Variants in GABBR2 observed in about 807,000 individuals in gnomAD.
The protein encoded by GABBR2 is gamma-aminobutyric acid type B receptor subunit 2.
In GABBR2, 23 loss-of-function variants were observed where a neutral mutation model predicts 105.6. That is an observed-to-expected ratio of 0.22 (90% CI 0.16 to 0.31). The LOEUF is 0.31. Among genes scored for constraint, GABBR2 ranks in the 10% least tolerant of loss-of-function variants. The pLI, the probability that GABBR2 is intolerant of heterozygous loss-of-function variation, is 1.00. For synonymous variants in GABBR2, 478 were observed against 499.7 expected (o/e 0.96, Z 0.58); for missense variants, 734 against 1,245.5 (o/e 0.59, Z 6.18).
chr9:98,418,177 C>T (rs748641059), intron 7 of GABBR2, among the ~76,000 whole-genome samples: 4 of 151,922 alleles, frequency 2.6e-5, no homozygotes, highest in African/African-American at 9.7e-5. Flanking sequence ...AGCAAGGCAG[C>T]CAGTGGGAAG....
intron 7 of GABBR2, among the ~76,000 whole-genome samples, chr9:98,410,052 C>T (rs1350465954): frequency 2.0e-5 from 3 of 152,086 alleles, no homozygotes; most frequent in African/African-American, 7.3e-5. Context: ...TTCAGAGCCA[C>T]CGTGGCCTGC....
chr9:98,383,923 T>A (rs967612597), intron 11 of GABBR2, among the ~76,000 whole-genome samples: 26 of 152,178 alleles, frequency 1.7e-4, no homozygotes, highest in Non-Finnish European at 2.4e-4. Context: ...CGTTTAAGCA[T>A]CCCTCACTGC....
At chr9:98,552,784 A>G (rs909708439) in intron 2 of GABBR2, among the ~76,000 whole-genome samples, 1 of 152,170 alleles carries the variant, frequency 6.6e-6, no homozygotes, top group Non-Finnish European at 1.5e-5. Context: ...CTTGGGGAAC[A>G]ATCATTTCTC....
intron 1 of GABBR2, among the ~76,000 whole-genome samples, chr9:98,690,803 G>A (rs1186376194): frequency 6.6e-6 from 1 of 152,202 alleles, no homozygotes; most frequent in Admixed American, 6.5e-5. Context: ...GACCAACTGT[G>A]TGTGCACCTG....
intron 4 of GABBR2, among the ~76,000 whole-genome samples, chr9:98,481,303 G>A (rs547047971): frequency 2.6e-5 from 4 of 152,322 alleles, no homozygotes; most frequent in Middle Eastern, 3.4e-3. Context: ...AACCTCCCCT[G>A]TTCTCCTCCC....
intron 1 of GABBR2, among the ~76,000 whole-genome samples, chr9:98,679,583 C>T (rs988325906): frequency 6.6e-6 from 1 of 152,228 alleles, no homozygotes; most frequent in Non-Finnish European, 1.5e-5. Context: ...TCAGGACACA[C>T]TATCCCCAAA....
intron 3 of GABBR2, among the ~76,000 whole-genome samples, chr9:98,506,625 G>C (rs1445441713): frequency 6.6e-6 from 1 of 152,224 alleles, no homozygotes. Context: ...AATCTGGGGA[G>C]AGCTGTGGTG....
intron 5 of GABBR2, among the ~76,000 whole-genome samples, chr9:98,476,797 C>T (rs576026079): frequency 6.6e-6 from 1 of 152,300 alleles, no homozygotes; most frequent in South Asian, 2.1e-4. Flanking sequence ...TCATTTTTCA[C>T]TATCATCAAG....
intron 18 of GABBR2, 43 bp downstream of exon 18, chr9:98,293,742 G>T: frequency 9.4e-7 from 1 of 1,061,592 alleles, no homozygotes; most frequent in Non-Finnish European, 1.4e-6. Flanking sequence ...CAGGAGTGAC[G>T]TATTTCTTCT....
chr9:98,372,818 G>A (rs958134043), intron 11 of GABBR2, among the ~76,000 whole-genome samples: 16 of 152,276 alleles, frequency 1.1e-4, no homozygotes, highest in South Asian at 1.0e-3. Context: ...GTAAAAATAG[G>A]AACTATTTTT....
chr9:98,460,691 T>C (rs1200651386), intron 6 of GABBR2, among the ~76,000 whole-genome samples: 1 of 152,156 alleles, frequency 6.6e-6, no homozygotes, highest in Non-Finnish European at 1.5e-5. Context: ...TGTATAATTG[T>C]GTCCTAGAAG....
chr9:98,557,017 T>C (rs1358373589), intron 2 of GABBR2, among the ~76,000 whole-genome samples: 1 of 152,156 alleles, frequency 6.6e-6, no homozygotes, highest in Non-Finnish European at 1.5e-5. Flanking sequence ...GTACTTCAGC[T>C]TGGGCAACCC....
intron 13 of GABBR2, among the ~76,000 whole-genome samples, chr9:98,347,991 A>T (rs752102981): frequency 5.9e-5 from 9 of 152,124 alleles, no homozygotes; most frequent in Non-Finnish European, 5.9e-5. Flanking sequence ...TGTGCCTTTG[A>T]TTCTCCTTTT....
At chr9:98,706,127 G>A (rs1034791008) in intron 1 of GABBR2, among the ~76,000 whole-genome samples, 3 of 134,648 alleles carry the variant, frequency 2.2e-5, no homozygotes, top group South Asian at 2.4e-4. Flanking sequence ...AAAAAAAAAA[G>A]AAGGAGGAGG....
chr9:98,655,280 G>A (rs914674447), intron 1 of GABBR2, among the ~76,000 whole-genome samples: 3 of 152,138 alleles, frequency 2.0e-5, no homozygotes, highest in Non-Finnish European at 4.4e-5. Context: ...CTCTGGTGGG[G>A]GATGTCGATA....
intron 13 of GABBR2, among the ~76,000 whole-genome samples, chr9:98,316,019 A>T (rs1461175407): frequency 6.6e-6 from 1 of 152,238 alleles, no homozygotes; most frequent in East Asian, 1.9e-4. Context: ...AGCACAGGGC[A>T]CTGACCCCTG....
intron 1 of GABBR2, among the ~76,000 whole-genome samples, chr9:98,623,122 A>G (rs1829690898): frequency 6.6e-6 from 1 of 152,172 alleles, no homozygotes; most frequent in African/African-American, 2.4e-5. Context: ...CTAAAAATTT[A>G]TTTTTAAAAT....
intron 4 of GABBR2, among the ~76,000 whole-genome samples, chr9:98,484,955 CT>C (rs1827013310): frequency 6.6e-6 from 1 of 152,186 alleles, no homozygotes; most frequent in Admixed American, 6.5e-5. Context: ...GGCCCATTCT[CT>C]TATGCTGAAA....
intron 11 of GABBR2, among the ~76,000 whole-genome samples, chr9:98,373,926 C>T (rs982241887): frequency 7.1e-6 from 1 of 140,584 alleles, no homozygotes; most frequent in African/African-American, 2.7e-5. Context: ...GGTACAATCA[C>T]AGCTCATTTC....
Sources: allele counts gnomAD v4.1 joint callset (sites outside exome capture counted in the v4.1 genomes callset), GRCh38; gene constraint gnomAD v4.1.1; transcripts MANE v1.5; gene names NCBI Gene and HGNC (gene_info 2026-07-23, HGNC 2026-07-21).